RSU1: variants seen among roughly 807,000 people sequenced by gnomAD.
RSU1 encodes the protein Ras suppressor protein 1, also known as rsu-1.
A neutral mutation model predicts 31.1 loss-of-function variants in RSU1; 26 were observed. The observed-to-expected ratio is 0.84, with a 90% CI of 0.61 to 1.16. The LOEUF (loss-of-function observed/expected upper bound fraction) is 1.16. Among genes scored for constraint, RSU1 ranks in the 50% most tolerant of loss-of-function variants. The pLI is 0.00. For missense variants in RSU1, 320 were observed against 339.1 expected (o/e 0.94, Z 0.44); for synonymous variants, 164 against 136.3 (o/e 1.20, Z -1.41).
At chr10:16,732,021 A>G (rs1477386609) in intron 7 of RSU1, among the ~76,000 whole-genome samples, 1 of 152,162 alleles carries the variant, frequency 6.6e-6, no homozygotes, top group African/African-American at 2.4e-5. Flanking sequence ...AACTCTGAGA[A>G]CCAACTGGGC....
intron 7 of RSU1, among the ~76,000 whole-genome samples, chr10:16,732,122 C>CAGG (rs10686754): frequency 0.77 from 116,177 of 151,818 alleles, 45,250 homozygotes; most frequent in African/African-American, 0.92. Context: ...GAATGAAAAG[C>CAGG]AGTTCTGATG....
At chr10:16,748,866 A>AT (rs1037099102) in intron 7 of RSU1, among the ~76,000 whole-genome samples, 3 of 142,600 alleles carry the variant, frequency 2.1e-5, no homozygotes, top group Admixed American at 6.8e-5. Context: ...TCCATGCTCC[A>AT]TTTTTTTCCC....
chr10:16,721,221 G>A (rs921814102), intron 7 of RSU1: 2 of 152,126 alleles, frequency 1.3e-5, no homozygotes, highest in African/African-American at 2.4e-5. Flanking sequence ...AAGAGGCTCG[G>A]AATGACTTTC....
intron 8 of RSU1, among the ~76,000 whole-genome samples, chr10:16,596,572 C>G (rs1360873012): frequency 6.6e-6 from 1 of 152,206 alleles, no homozygotes. Context: ...TGTCTTCACA[C>G]AGGCACCTAC....
chr10:16,752,749 A>G, intron 6 of RSU1, 96 bp from the exon 7 acceptor site: 1 of 1,069,728 alleles, frequency 9.3e-7, no homozygotes, highest in South Asian at 1.4e-5. Flanking sequence ...ACTAAAGCTC[A>G]ATCCTTTCCA....
chr10:16,716,755 T>C (rs1420769293), intron 7 of RSU1, among the ~76,000 whole-genome samples: 6 of 152,138 alleles, frequency 3.9e-5, no homozygotes, highest in Non-Finnish European at 7.4e-5. Context: ...TCAGAGAAGT[T>C]TGGAGGGTAT....
intron 4 of RSU1, among the ~76,000 whole-genome samples, chr10:16,760,774 C>T (rs1837197401): frequency 6.6e-6 from 1 of 152,088 alleles, no homozygotes; most frequent in Non-Finnish European, 1.5e-5. Flanking sequence ...TGTCCTAGTT[C>T]ACCTGGGACA....
intron 8 of RSU1, among the ~76,000 whole-genome samples, chr10:16,622,715 C>A (rs1234020590): frequency 6.6e-6 from 1 of 152,146 alleles, no homozygotes; most frequent in Non-Finnish European, 1.5e-5. Flanking sequence ...TTGTGAATCA[C>A]CACGGCCCAG....
chr10:16,764,623 G>A, intron 3 of RSU1, 113 bp from the exon 4 acceptor site: 1 of 1,135,478 alleles, frequency 8.8e-7, no homozygotes, highest in Non-Finnish European at 1.2e-6. Context: ...CTTCAAAAGG[G>A]CCATCGAATT....
At chr10:16,812,978 T>C (rs1416498959) in intron 2 of RSU1, among the ~76,000 whole-genome samples, 1 of 127,444 alleles carries the variant, frequency 7.8e-6, no homozygotes, top group Non-Finnish European at 1.7e-5. Flanking sequence ...ACGATTATGC[T>C]GGGAAGCTTT....
intron 8 of RSU1, among the ~76,000 whole-genome samples, chr10:16,600,932 G>T (rs2131457448): frequency 6.6e-6 from 1 of 152,078 alleles, no homozygotes; most frequent in South Asian, 2.1e-4. Context: ...AGATCCAAGG[G>T]TCTCATATCC....
intron 7 of RSU1, among the ~76,000 whole-genome samples, chr10:16,712,287 C>T (rs1836037022): frequency 6.6e-6 from 1 of 152,090 alleles, no homozygotes; most frequent in Non-Finnish European, 1.5e-5. Flanking sequence ...CCTGTTCGAC[C>T]ACTCTGTGTT....
intron 8 of RSU1, among the ~76,000 whole-genome samples, chr10:16,670,090 T>C (rs543457622): frequency 6.6e-6 from 1 of 152,326 alleles, no homozygotes; most frequent in South Asian, 2.1e-4. Flanking sequence ...CTCAGGCCCA[T>C]GTAGTGCAAA....
chr10:16,811,071 A>T (rs1463371662), intron 2 of RSU1, among the ~76,000 whole-genome samples: 1 of 152,188 alleles, frequency 6.6e-6, no homozygotes, highest in African/African-American at 2.4e-5. Context: ...GTCCCACGAG[A>T]TAACAATAAT....
chr10:16,800,609 G>T (rs138174811), intron 2 of RSU1, among the ~76,000 whole-genome samples: 2 of 152,142 alleles, frequency 1.3e-5, no homozygotes, highest in Admixed American at 1.3e-4. Flanking sequence ...TACAAAAGGC[G>T]TAACAGGCAT....
chr10:16,631,919 G>T (rs1331015303), intron 8 of RSU1, among the ~76,000 whole-genome samples: 1 of 152,176 alleles, frequency 6.6e-6, no homozygotes, highest in Non-Finnish European at 1.5e-5. Context: ...GGGGATGGGG[G>T]ACAAGGGGAC....
chr10:16,817,133 G>A (rs773812843), intron 1 of RSU1, 49 bp from the exon 2 acceptor site: 2 of 1,383,646 alleles, frequency 1.4e-6, no homozygotes, highest in Admixed American at 1.7e-5. Context: ...CAAGCGCAGA[G>A]GCGGAAAGGC....
intron 2 of RSU1, among the ~76,000 whole-genome samples, chr10:16,789,725 T>G (rs58116001): frequency 0.013 from 1,932 of 152,326 alleles, 35 homozygotes; most frequent in African/African-American, 0.044. Flanking sequence ...TGGTAGATTT[T>G]CTGCTGTGTT....
intron 7 of RSU1, among the ~76,000 whole-genome samples, chr10:16,736,275 T>C (rs936624237): frequency 6.6e-6 from 1 of 152,022 alleles, no homozygotes; most frequent in African/African-American, 2.4e-5. Context: ...AAGGAAGATA[T>C]AACTACCAGG....
Sources: allele counts gnomAD v4.1 joint callset (sites outside exome capture counted in the v4.1 genomes callset), GRCh38; gene constraint gnomAD v4.1.1; transcripts MANE v1.5; gene names NCBI Gene and HGNC (gene_info 2026-07-23, HGNC 2026-07-21).